The following SAMD5 variants were observed in gnomAD, a reference collection of about 807,000 sequenced individuals.
SAMD5 encodes the protein sterile alpha motif domain-containing protein 5.
In SAMD5, 13 loss-of-function variants were observed where a neutral mutation model predicts 11.3. The observed-to-expected ratio is 1.15, with a 90% CI of 0.75 to 1.83. SAMD5 has a LOEUF of 1.83. Among genes scored for constraint, SAMD5 ranks in the 40% most tolerant of loss-of-function variants. The pLI, the probability that SAMD5 is intolerant of heterozygous loss-of-function variation, is 0.00. For missense variants in SAMD5, 255 were observed against 239.1 expected (o/e 1.07, Z -0.44); for synonymous variants, 129 against 111.3 (o/e 1.16, Z -1.00).
chr6:147,556,663 A>C (rs1788862395), intron 1 of SAMD5, among the ~76,000 whole-genome samples: 1 of 152,236 alleles, frequency 6.6e-6, no homozygotes, highest in African/African-American at 2.4e-5. Flanking sequence ...ATATAGTTTT[A>C]AATACATCAG....
chr6:147,866,981 G>A, the SAMD5 span, among the ~76,000 whole-genome samples: 12 of 152,164 alleles, frequency 7.9e-5, no homozygotes, highest in African/African-American at 2.7e-4. Flanking sequence ...AAGTCTGTAT[G>A]AGAAGGAAAT....
At chr6:147,636,580 T>C (rs1467950044) in intron 1 of SAMD5, among the ~76,000 whole-genome samples, 1 of 152,228 alleles carries the variant, frequency 6.6e-6, no homozygotes, top group African/African-American at 2.4e-5. Context: ...GATTGCTGCA[T>C]CTGTCACTTT....
rs1247385118 is a variant in SAMD5 at position 147,569,960 on chromosome 6, A to G, written c.*5504A>G. The G allele has an allele frequency of 2.0e-6, 2 of 985,174 alleles. No homozygotes were observed. The highest frequency in any genetic ancestry group is 1.7e-5 in the African/African-American group (1 of 57,244). The allele number at this position is 985,174 out of a possible 1,614,324, so 61.0% of individuals were successfully genotyped here. ...ATTATGAACCATGTAATGCATGCCC[A>G]TGCACACTGTGATTTGCAAACATAT... On this transcript the variant is annotated 3_prime_UTR_variant, in exon 2 of 2. Transcript: ENST00000367474.
intron 1 of SAMD5, among the ~76,000 whole-genome samples, chr6:147,546,208 G>C (rs1788682514): frequency 6.6e-6 from 1 of 152,174 alleles, no homozygotes; most frequent in African/African-American, 2.4e-5. Context: ...TCAGGGACAA[G>C]TGAAGACTGG....
At chr6:147,933,013 T>A in the SAMD5 span, among the ~76,000 whole-genome samples, 1 of 152,184 alleles carries the variant, frequency 6.6e-6, no homozygotes, top group Non-Finnish European at 1.5e-5. Context: ...TAAACCAGCT[T>A]GATAATAGCC....
chr6:147,855,158 C>G, the SAMD5 span, among the ~76,000 whole-genome samples: 2 of 152,198 alleles, frequency 1.3e-5, no homozygotes, highest in Admixed American at 1.3e-4. Context: ...TAAGTGAAAT[C>G]AGTCTTAAAA....
chr6:147,747,242 A>T, the SAMD5 span, among the ~76,000 whole-genome samples: 2 of 152,200 alleles, frequency 1.3e-5, no homozygotes, highest in African/African-American at 4.8e-5. Flanking sequence ...GGGAAGTGCT[A>T]CCGCAGGGAT....
chr6:147,509,353 G>T lies in SAMD5; in HGVS notation c.425G>T (p.Gly142Val), dbSNP rs769813652. ...ATCAGGGATAAGCTCGTCCGTGACG[G>T]CATCCACCTGAGCAAGCCCCCGTAC... Reference protein sequence around the residue: ...IMIRDKLVRDGIHLSKPPYSR... With the variant: ...IMIRDKLVRDVIHLSKPPYSR... Residue 142 changes from glycine to valine, a missense_variant, in exon 1 of 2, where the codon GGC becomes GTC. Coordinates refer to ENST00000367474, the MANE Select transcript of SAMD5 (RefSeq NM_001030060.3). 4 of 1,574,174 alleles carry T rather than the reference G, an allele frequency of 2.5e-6. No homozygotes were observed. Among genetic ancestry groups the T allele is most frequent in the Non-Finnish European group, 3.4e-6 (4 of 1,161,990 alleles).
chr6:147,620,357 C>CTTTGA (rs1789941149), intron 1 of SAMD5, among the ~76,000 whole-genome samples: 1 of 152,204 alleles, frequency 6.6e-6, no homozygotes, highest in Non-Finnish European at 1.5e-5. Context: ...ACCCAGCCAG[C>CTTTGA]TTTGATCACT....
At chr6:147,524,735 C>A (rs1314414824) in intron 1 of SAMD5, among the ~76,000 whole-genome samples, 1 of 152,112 alleles carries the variant, frequency 6.6e-6, no homozygotes, top group Non-Finnish European at 1.5e-5. Context: ...TTGGGAGAAG[C>A]TTCATGCTGT....
In SAMD5 at chr6:147,566,356, G is replaced by A. The variant is rs948880748; in HGVS notation, c.*1900G>A. ...GTAGATTCTTTTGAGTGGTAGGGGA[G>A]TCTGTATAGATTACAGATATAATTT... is the stretch of plus-strand genomic sequence containing the variant. On this transcript the variant is annotated 3_prime_UTR_variant, in exon 2 of 2. Transcript: ENST00000367474. The A allele has an allele frequency of 6.1e-6, 6 of 980,934 alleles. No homozygotes were observed. Among genetic ancestry groups the A allele is most frequent in the Non-Finnish European group, 7.3e-6 (6 of 825,720 alleles). 60.8% of individuals were successfully genotyped at this position (980,934 alleles called of 1,614,324 possible).
intron 1 of SAMD5, among the ~76,000 whole-genome samples, chr6:147,647,967 G>A (rs189301433): frequency 6.6e-6 from 1 of 152,300 alleles, no homozygotes; most frequent in East Asian, 1.9e-4. Context: ...ATTGATCAAG[G>A]TTACGTGACA....
intron 1 of SAMD5, among the ~76,000 whole-genome samples, chr6:147,637,840 C>T (rs761554197): frequency 6.7e-6 from 1 of 149,344 alleles, no homozygotes; most frequent in Non-Finnish European, 1.5e-5. Context: ...TAAGCATCTT[C>T]CTTTTCAAAA....
Position 147,565,514 on chromosome 6 carries a change from A to G in SAMD5, c.*1058A>G. On this transcript the variant is annotated 3_prime_UTR_variant, in exon 2 of 2. Coordinates refer to ENST00000367474, the MANE Select transcript of SAMD5 (RefSeq NM_001030060.3). Reference sequence around the variant, plus strand: ...CGCTCTGTCACCCAGGCTGGAGTGTAGTGGCACAATCTTGGCTCACAGTGA... The same window carrying G: ...CGCTCTGTCACCCAGGCTGGAGTGTGGTGGCACAATCTTGGCTCACAGTGA... 5 of 832,082 alleles carry G rather than the reference A, an allele frequency of 6.0e-6. No homozygotes were observed. The highest frequency in any genetic ancestry group is 7.2e-6 in the Non-Finnish European group (5 of 692,536). The allele number at this position is 832,082 out of a possible 1,614,324, so 51.5% of individuals were successfully genotyped here. A position where few individuals can be genotyped will look rare whatever the true frequency, so the allele number is the denominator to read the frequency against.
intron 1 of SAMD5, among the ~76,000 whole-genome samples, chr6:147,581,658 G>A (rs1435240416): frequency 2.0e-5 from 3 of 152,290 alleles, no homozygotes; most frequent in East Asian, 3.9e-4. Flanking sequence ...TGGAAGGACT[G>A]TAAAGTATCC....
At chr6:147,952,542 G>A in the SAMD5 span, among the ~76,000 whole-genome samples, 1 of 152,000 alleles carries the variant, frequency 6.6e-6, no homozygotes, top group East Asian at 1.9e-4. Context: ...ACAGAGTCTC[G>A]CTCTGTCACC....
At position 147,566,362 on chromosome 6, in the gene SAMD5, A is replaced by G; in HGVS notation, c.*1906A>G. ...TCTTTTGAGTGGTAGGGGAGTCTGT[A>G]TAGATTACAGATATAATTTATTGTG... On this transcript the variant is annotated 3_prime_UTR_variant, in exon 2 of 2. Coordinates refer to ENST00000367474, the MANE Select transcript of SAMD5 (RefSeq NM_001030060.3). The G allele has an allele frequency of 1.0e-6, 1 of 984,276 alleles. No homozygotes were observed. The highest frequency in any genetic ancestry group is 1.2e-6 in the Non-Finnish European group (1 of 828,770). The allele number at this position is 984,276 out of a possible 1,614,324, so 61.0% of individuals were successfully genotyped here.
chr6:147,864,787 T>C, the SAMD5 span, among the ~76,000 whole-genome samples: 2 of 152,204 alleles, frequency 1.3e-5, no homozygotes, highest in Non-Finnish European at 2.9e-5. Flanking sequence ...CCTTATGATA[T>C]CCCACATATG....
At chr6:147,526,766 A>T (rs895572797) in intron 1 of SAMD5, among the ~76,000 whole-genome samples, 1 of 152,244 alleles carries the variant, frequency 6.6e-6, no homozygotes, top group African/African-American at 2.4e-5. Flanking sequence ...GAGTGACAAA[A>T]GTGCGAGGTT....
Sources: allele counts gnomAD v4.1 joint callset (sites outside exome capture counted in the v4.1 genomes callset), GRCh38; gene constraint gnomAD v4.1.1; transcripts MANE v1.5; gene names NCBI Gene and HGNC (gene_info 2026-07-23, HGNC 2026-07-21).